Variants in DGKI observed in about 807,000 individuals in gnomAD.
DGKI encodes diacylglycerol kinase iota, also known as DAG kinase iota.
A neutral mutation model predicts 147.5 loss-of-function variants in DGKI; 55 were observed. The observed-to-expected ratio is 0.37, with a 90% confidence interval of 0.30 to 0.47. DGKI has a LOEUF of 0.47. Ranked by LOEUF, DGKI falls within the 20% of genes least tolerant of loss-of-function variation. The pLI, the probability that DGKI is intolerant of heterozygous loss-of-function variation, is 1.00. For synonymous variants in DGKI, 469 were observed against 477.1 expected (o/e 0.98, Z 0.22); for missense variants, 1,007 against 1,323.8 (o/e 0.76, Z 3.71).
intron 1 of DGKI, among the ~76,000 whole-genome samples, chr7:137,731,220 C>G (rs1472978302): frequency 6.6e-6 from 1 of 152,054 alleles, no homozygotes; most frequent in Non-Finnish European, 1.5e-5. Context: ...GAAACATTTA[C>G]CCTCTTCCAA....
intron 23 of DGKI, among the ~76,000 whole-genome samples, chr7:137,483,431 T>C (rs187612089): frequency 1.2e-4 from 18 of 152,186 alleles, no homozygotes; most frequent in Non-Finnish European, 5.9e-5. Context: ...AAAAGGACTA[T>C]GCTTTTTTTA....
At chr7:137,714,290 A>G (rs1417047342) in intron 1 of DGKI, among the ~76,000 whole-genome samples, 1 of 152,250 alleles carries the variant, frequency 6.6e-6, no homozygotes, top group Non-Finnish European at 1.5e-5. Context: ...CAAGGTTAAA[A>G]AAAATGTTTA....
At chr7:137,646,279 G>C (rs533817451) in intron 5 of DGKI, among the ~76,000 whole-genome samples, 10 of 152,300 alleles carry the variant, frequency 6.6e-5, no homozygotes, top group Admixed American at 2.0e-4. Flanking sequence ...TTATTCACTA[G>C]ATAGAGTGAA....
intron 1 of DGKI, among the ~76,000 whole-genome samples, chr7:137,761,366 C>T (rs1345693115): frequency 6.6e-6 from 1 of 152,140 alleles, no homozygotes; most frequent in Non-Finnish European, 1.5e-5. Flanking sequence ...AGTTATTTAC[C>T]CTTTCTGCTG....
At chr7:137,516,559 AAG>A (rs775294663) in intron 21 of DGKI, among the ~76,000 whole-genome samples, 23 of 152,078 alleles carry the variant, frequency 1.5e-4, no homozygotes, top group Non-Finnish European at 2.9e-4. Context: ...TTTTTAAAAA[AAG>A]AAAAAAAGCT....
chr7:137,501,256 T>C (rs758153754), intron 21 of DGKI, among the ~76,000 whole-genome samples: 3 of 152,202 alleles, frequency 2.0e-5, no homozygotes, highest in Admixed American at 2.0e-4. Flanking sequence ...ATTGTCTTTA[T>C]CCATTCATCC....
At chr7:137,838,582 T>C (rs1462603604) in intron 1 of DGKI, among the ~76,000 whole-genome samples, 1 of 152,210 alleles carries the variant, frequency 6.6e-6, no homozygotes, top group Non-Finnish European at 1.5e-5. Flanking sequence ...ATTTTTAAAA[T>C]GTACTTTGGT....
In DGKI at chr7:137,466,962, G is replaced by A. The variant is rs573998402; in HGVS notation, c.2444-20C>T. The A allele has an allele frequency of 2.5e-6, 4 of 1,613,694 alleles. No homozygotes were observed. The East Asian group carries it at 8.9e-5, about 36-fold the overall frequency. The stretch of plus-strand genomic sequence containing the variant: ...AAGTTGCTAGGGGAAAAAAAATGCA[G>A]ATGGCATTCAGAATGTTCTGTAATC... On this transcript the variant is annotated intron_variant, in intron 24 of 32. Transcript: ENST00000614521.
intron 6 of DGKI, among the ~76,000 whole-genome samples, chr7:137,630,489 CA>C (rs955240777): frequency 6.6e-6 from 1 of 152,140 alleles, no homozygotes; most frequent in African/African-American, 2.4e-5. Flanking sequence ...ATTCTCAGTA[CA>C]ACTTAACAAC....
rs1563075671 is a variant in DGKI, at chr7:137,540,761, C to CAAAAAAA, written c.2147+11607_2147+11608insTTTTTTT. 2.0e-4 allele frequency among the ~76,000 whole-genome samples: 7 copies of CAAAAAAA among 35,536 alleles called. 1 individual carries two copies. Among genetic ancestry groups the CAAAAAAA allele is most frequent in the East Asian group, 8.9e-4 (1 of 1,124 alleles). The allele number at this position is 35,536 out of a possible 152,430, so 23.3% of individuals were successfully genotyped here. ...GGAAACAAACATTTTAAAAACCCCC[C>CAAAAAAA]CAAAAAAAAAAAAAAAAAAAAAAAA... On this transcript the variant is annotated intron_variant, in intron 20 of 32. Coordinates refer to ENST00000614521, the MANE Select transcript of DGKI (RefSeq NM_001321708.2).
At chr7:137,624,988 G>C (rs1396665320) in intron 6 of DGKI, among the ~76,000 whole-genome samples, 5 of 152,116 alleles carry the variant, frequency 3.3e-5, no homozygotes, top group Non-Finnish European at 5.9e-5. Context: ...AGACAACCAG[G>C]ACTGGTTTCA....
chr7:137,699,468 C>T (rs962393183), intron 1 of DGKI, among the ~76,000 whole-genome samples: 1 of 152,202 alleles, frequency 6.6e-6, no homozygotes, highest in Admixed American at 6.5e-5. Context: ...GGGAAGTCTA[C>T]TTTTTGCCTT....
At chr7:137,426,932 C>A (rs1467002812) in intron 28 of DGKI, among the ~76,000 whole-genome samples, 1 of 151,616 alleles carries the variant, frequency 6.6e-6, no homozygotes, top group African/African-American at 2.4e-5. Context: ...GAGACTTAGA[C>A]TCCCACACAT....
chr7:137,459,877 G>A (rs1344162466), intron 27 of DGKI, among the ~76,000 whole-genome samples: 1 of 151,174 alleles, frequency 6.6e-6, no homozygotes, highest in Non-Finnish European at 1.5e-5. Flanking sequence ...CTTTACACTG[G>A]GATTCTTTTT....
Position 137,792,874 on chromosome 7 carries a change from C to T in DGKI, c.401+53588G>A, listed in dbSNP as rs998988044. Among the ~76,000 whole-genome samples the T allele has an allele frequency of 2.0e-5, 3 of 152,326 alleles. No individual in the cohort carries two copies. The South Asian group carries it at 6.2e-4, about 32-fold the overall frequency. The stretch of plus-strand genomic sequence containing the variant: ...ACCAGAAGCCTAGCAGAGGCTGGTG[C>T]CATGCTTGCATGGCCTGCAGAACCG... On this transcript the variant is annotated intron_variant, in intron 1 of 32. Transcript: ENST00000614521.
At chr7:137,568,756 T>C (rs571603393) in intron 19 of DGKI, among the ~76,000 whole-genome samples, 3 of 152,224 alleles carry the variant, frequency 2.0e-5, no homozygotes, top group Admixed American at 1.3e-4. Flanking sequence ...CAAGAATTGG[T>C]TTCTCATAAA....
At chr7:137,393,691 A>G (rs1324426665) in intron 32 of DGKI, among the ~76,000 whole-genome samples, 1 of 152,234 alleles carries the variant, frequency 6.6e-6, no homozygotes, top group Admixed American at 6.5e-5. Context: ...GTACCCAATT[A>G]GCTAGCCAGA....
rs541084000 is a variant in DGKI at position 137,755,569 on chromosome 7, A to C, written c.402-65567T>G. ...TGCTCTTAAGTCTCTTAGGGCATTG[A>C]ATTGCCAAATAAACCACAGTCCTCA... On this transcript the variant is annotated intron_variant, in intron 1 of 32. Transcript: ENST00000614521. 3.3e-5 allele frequency among the ~76,000 whole-genome samples: 5 copies of C among 152,318 alleles called. No individual in the cohort carries two copies. In the South Asian group the frequency reaches 1.0e-3, roughly 32 times the overall value.
intron 1 of DGKI, among the ~76,000 whole-genome samples, chr7:137,803,566 C>G (rs917947360): frequency 6.6e-6 from 1 of 152,144 alleles, no homozygotes; most frequent in Admixed American, 6.5e-5. Flanking sequence ...AGACAATGCA[C>G]CTTTCACATT....
Sources: allele counts gnomAD v4.1 joint callset (sites outside exome capture counted in the v4.1 genomes callset), GRCh38; gene constraint gnomAD v4.1.1; transcripts MANE v1.5; gene names NCBI Gene and HGNC (gene_info 2026-07-23, HGNC 2026-07-21).